Variants in CNTNAP2 observed in about 807,000 individuals in gnomAD.
CNTNAP2 encodes contactin-associated protein-like 2.
CNTNAP2 carries 98 observed loss-of-function variants against 155.2 expected under a neutral mutation model. That is an observed-to-expected ratio of 0.63 (90% CI 0.54 to 0.75). The LOEUF (loss-of-function observed/expected upper bound fraction) is 0.75. CNTNAP2 is among the 30% of genes least tolerant of loss of function. The probability of loss-of-function intolerance (pLI) is 0.00; values close to 1 mark genes in which losing one functional copy is unlikely to be tolerated. For missense variants in CNTNAP2, 1,727 were observed against 1,688.1 expected (o/e 1.02, Z -0.40); for synonymous variants, 651 against 631.2 (o/e 1.03, Z -0.47).
At chr7:147,881,582 G>A (rs1399364061) in intron 13 of CNTNAP2, among the ~76,000 whole-genome samples, 1 of 152,140 alleles carries the variant, frequency 6.6e-6, no homozygotes, top group African/African-American at 2.4e-5. Context: ...CCAATAAGCA[G>A]GACAAGGTTT....
chr7:147,340,786 C>T (rs1306808881), intron 9 of CNTNAP2, among the ~76,000 whole-genome samples: 2 of 152,088 alleles, frequency 1.3e-5, no homozygotes, highest in African/African-American at 4.8e-5. Context: ...ACTCTCTCCA[C>T]ATTATTGACA....
At chr7:148,042,359 G>A (rs1209216320) in intron 15 of CNTNAP2, among the ~76,000 whole-genome samples, 1 of 152,184 alleles carries the variant, frequency 6.6e-6, no homozygotes, top group Non-Finnish European at 1.5e-5. Flanking sequence ...AGGTTGCCAG[G>A]GCATGGTGGA....
intron 1 of CNTNAP2, among the ~76,000 whole-genome samples, chr7:146,454,967 G>A (rs1026606928): frequency 1.2e-4 from 19 of 152,078 alleles, no homozygotes; most frequent in Non-Finnish European, 2.6e-4. Context: ...ATATGGCTAC[G>A]CAGTTTATCC....
At chr7:147,676,635 T>G (rs1028420677) in intron 13 of CNTNAP2, among the ~76,000 whole-genome samples, 4 of 151,978 alleles carry the variant, frequency 2.6e-5, no homozygotes, top group Non-Finnish European at 5.9e-5. Flanking sequence ...TTTCGTATTC[T>G]TTGACCAATA....
chr7:146,262,596 C>T, intron 1 of CNTNAP2, among the ~76,000 whole-genome samples: 1 of 152,208 alleles, frequency 6.6e-6, no homozygotes, highest in Non-Finnish European at 1.5e-5. Flanking sequence ...AATATTACAT[C>T]AGCAATTGTT....
At chr7:146,245,783 C>G (rs1406681011) in intron 1 of CNTNAP2, among the ~76,000 whole-genome samples, 1 of 151,930 alleles carries the variant, frequency 6.6e-6, no homozygotes, top group African/African-American at 2.4e-5. Context: ...ATTTGCTGAG[C>G]CTAATGGGTA....
chr7:146,807,133 T>C (rs928831270), intron 2 of CNTNAP2, among the ~76,000 whole-genome samples: 3 of 152,176 alleles, frequency 2.0e-5, no homozygotes, highest in African/African-American at 4.8e-5. Context: ...ACATTTATTA[T>C]AAAACATTCA....
chr7:148,283,259 G>GAAAAGA (rs371469453), intron 21 of CNTNAP2, among the ~76,000 whole-genome samples: 15 of 39,138 alleles, frequency 3.8e-4, no homozygotes, highest in East Asian at 1.4e-3. Flanking sequence ...AAAAAAAAAA[G>GAAAAGA]AAAGAAAGAA....
intron 13 of CNTNAP2, among the ~76,000 whole-genome samples, chr7:147,646,847 C>T (rs960115412): frequency 2.6e-5 from 4 of 152,064 alleles, no homozygotes; most frequent in Admixed American, 1.3e-4. Context: ...GCAAAGATCA[C>T]GTGGACTTAT....
intron 8 of CNTNAP2, among the ~76,000 whole-genome samples, chr7:147,176,856 TA>T (rs1366311942): frequency 1.7e-5 from 2 of 117,130 alleles, no homozygotes; most frequent in African/African-American, 8.3e-5. Context: ...TAATATATAA[TA>T]GATATTATAG....
chr7:148,086,394 A>G (rs1803729730), intron 15 of CNTNAP2, among the ~76,000 whole-genome samples: 1 of 152,240 alleles, frequency 6.6e-6, no homozygotes, highest in Non-Finnish European at 1.5e-5. Context: ...TAGTGCTCCA[A>G]CAAATTAAAT....
chr7:147,341,070 T>TTGTGTGTG (rs61319652), intron 9 of CNTNAP2, among the ~76,000 whole-genome samples: 3,466 of 148,834 alleles, frequency 0.023, 53 homozygotes, highest in South Asian at 0.037. Flanking sequence ...CATTGTGTGT[T>TTGTGTGTG]TGTGTGTGTG....
intron 13 of CNTNAP2, among the ~76,000 whole-genome samples, chr7:147,735,213 T>A (rs1186151396): frequency 6.6e-6 from 1 of 152,196 alleles, no homozygotes; most frequent in Non-Finnish European, 1.5e-5. Context: ...GAGATTCTGA[T>A]ATGTTGTGTC....
chr7:146,842,339 C>T (rs1243973501), intron 3 of CNTNAP2, among the ~76,000 whole-genome samples: 1 of 152,064 alleles, frequency 6.6e-6, no homozygotes, highest in Non-Finnish European at 1.5e-5. Flanking sequence ...ATTGTCTTCT[C>T]CCTTTCTGGT....
chr7:146,474,437 C>T (rs968277232), intron 1 of CNTNAP2, among the ~76,000 whole-genome samples: 8 of 150,474 alleles, frequency 5.3e-5, no homozygotes, highest in Non-Finnish European at 1.2e-4. Context: ...CCATGGTCTA[C>T]CTCCCTCCAT....
At chr7:147,004,831 T>G (rs1167471197) in intron 3 of CNTNAP2, among the ~76,000 whole-genome samples, 1 of 152,118 alleles carries the variant, frequency 6.6e-6, no homozygotes. Context: ...TAGCTAGTTT[T>G]GCTTGTGTTA....
intron 3 of CNTNAP2, among the ~76,000 whole-genome samples, chr7:147,010,782 T>C (rs1411630726): frequency 1.3e-5 from 2 of 152,160 alleles, no homozygotes; most frequent in African/African-American, 2.4e-5. Context: ...GCAATCATTG[T>C]AGTGATAATC....
At chr7:147,274,116 C>T (rs1035739483) in intron 8 of CNTNAP2, among the ~76,000 whole-genome samples, 5 of 151,820 alleles carry the variant, frequency 3.3e-5, no homozygotes, top group Non-Finnish European at 5.9e-5. Context: ...TAGGTTGACT[C>T]CATGACTTTG....
At chr7:147,321,840 T>A (rs554592448) in intron 9 of CNTNAP2, among the ~76,000 whole-genome samples, 1 of 152,332 alleles carries the variant, frequency 6.6e-6, no homozygotes, top group East Asian at 1.9e-4. Flanking sequence ...ATATGCTTTT[T>A]AGGCTTTGTC....
Sources: allele counts gnomAD v4.1 joint callset (sites outside exome capture counted in the v4.1 genomes callset), GRCh38; gene constraint gnomAD v4.1.1; transcripts MANE v1.5; gene names NCBI Gene and HGNC (gene_info 2026-07-23, HGNC 2026-07-21).